PSMA3: variants seen among roughly 807,000 people sequenced by gnomAD.
PSMA3 encodes proteasome 20S subunit alpha 3.
In PSMA3, 8 loss-of-function variants were observed where a neutral mutation model predicts 40.0. The ratio of observed to expected loss-of-function variants is 0.20; its 90% confidence interval spans 0.12 to 0.36. PSMA3 has a LOEUF of 0.36. Among genes scored for constraint, PSMA3 ranks in the 10% least tolerant of loss-of-function variants. The probability of loss-of-function intolerance (pLI) is 1.00; values close to 1 mark genes in which losing one functional copy is unlikely to be tolerated. For missense variants in PSMA3, 219 were observed against 310.6 expected, an observed-to-expected ratio of 0.70 and a Z score of 2.22; for synonymous variants, 110 against 100.0, an observed-to-expected ratio of 1.10 and a Z score of -0.59.
chr14:58,267,413 T>C (rs1890474076), intron 7 of PSMA3, 61 bp from the exon 8 acceptor site: 2 of 1,401,644 alleles, frequency 1.4e-6, no homozygotes, highest in Non-Finnish European at 1.9e-6. Context: ...AAAGTGAAAA[T>C]AGTTATTACA....
chr14:58,247,222 C>G (rs1309439266), intron 1 of PSMA3, among the ~76,000 whole-genome samples: 1 of 152,194 alleles, frequency 6.6e-6, no homozygotes. Flanking sequence ...TTGCTTTACT[C>G]TTTTATTTTC....
chr14:58,255,168 C>T (rs1890114653), intron 3 of PSMA3, among the ~76,000 whole-genome samples: 1 of 127,762 alleles, frequency 7.8e-6, no homozygotes, highest in Admixed American at 8.5e-5. Flanking sequence ...GTGTTTACAT[C>T]CTAAAAACTT....
chr14:58,270,566 T>C, intron 9 of PSMA3, 81 bp downstream of exon 9: 10 of 1,581,344 alleles, frequency 6.3e-6, no homozygotes, highest in South Asian at 1.2e-5. Flanking sequence ...CTTTCTAATA[T>C]AATGAAAGCT....
chr14:58,271,640 G>A (rs1890629015), intron 10 of PSMA3, among the ~76,000 whole-genome samples: 1 of 152,054 alleles, frequency 6.6e-6, no homozygotes, highest in Non-Finnish European at 1.5e-5. Flanking sequence ...GGCCTCTTAA[G>A]TATATATTCT....
chr14:58,258,271 C>G (rs1051470712), intron 5 of PSMA3: 2 of 311,236 alleles, frequency 6.4e-6, no homozygotes, highest in Non-Finnish European at 1.2e-5. Flanking sequence ...GAACCTATCT[C>G]TACAAAAAAA....
At chr14:58,250,087 G>C (rs1261148716) in intron 2 of PSMA3, among the ~76,000 whole-genome samples, 1 of 151,802 alleles carries the variant, frequency 6.6e-6, no homozygotes, top group East Asian at 1.9e-4. Context: ...GGGCATGGCA[G>C]TGCGCGCCTG....
chr14:58,250,575 A>C (rs990925490), intron 2 of PSMA3, among the ~76,000 whole-genome samples: 53 of 152,304 alleles, frequency 3.5e-4, no homozygotes, highest in Non-Finnish European at 7.6e-4. Context: ...TTAAACTTGC[A>C]AGGGGAGCCA....
chr14:58,254,333 C>CATATATATATATATATATATATATAT lies in PSMA3; in HGVS notation c.228+2101_228+2102insATATATATATATATATATATATATAT, dbSNP rs544540648. Among the ~76,000 whole-genome samples the CATATATATATATATATATATATATAT allele has an allele frequency of 3.6e-3, 86 of 23,708 alleles. 14 individuals are homozygous for CATATATATATATATATATATATATAT. The highest frequency in any genetic ancestry group is 4.9e-3 in the African/African-American group (36 of 7,338). 15.6% of individuals were successfully genotyped at this position (23,708 alleles called of 152,430 possible). ...AATATTTTGAAAAAAATTATGCATGCATATATATATGTATGTACACACACA... is the reference window on the plus strand; with the variant it reads ...AATATTTTGAAAAAAATTATGCATGCATATATATATATATATATATATATATATATATATATGTATGTACACACACA... On this transcript the variant is annotated intron_variant, in intron 3 of 10. Transcript: ENST00000216455.
chr14:58,250,945 T>A (rs1889997945), intron 2 of PSMA3, among the ~76,000 whole-genome samples: 1 of 151,992 alleles, frequency 6.6e-6, no homozygotes, highest in South Asian at 2.1e-4. Context: ...AAATAGAAGC[T>A]CAACATGGAG....
chr14:58,248,948 G>C (rs1889939645), intron 2 of PSMA3, among the ~76,000 whole-genome samples: 1 of 152,142 alleles, frequency 6.6e-6, no homozygotes, highest in Non-Finnish European at 1.5e-5. Context: ...AAGCAACAGA[G>C]ACTCTGTCTC....
intron 3 of PSMA3, among the ~76,000 whole-genome samples, chr14:58,257,199 A>C (rs1410365293): frequency 6.6e-6 from 1 of 151,346 alleles, no homozygotes; most frequent in African/African-American, 2.4e-5. Context: ...TTTATGATAG[A>C]AGTAGTCCTG....
At chr14:58,261,810 CT>C in intron 6 of PSMA3, among the ~76,000 whole-genome samples, 1 of 152,110 alleles carries the variant, frequency 6.6e-6, no homozygotes, top group East Asian at 1.9e-4. Flanking sequence ...GAGACAAGGT[CT>C]TTCCACGTTC....
intron 6 of PSMA3, among the ~76,000 whole-genome samples, chr14:58,263,045 C>T (rs953667103): frequency 4.5e-4 from 67 of 148,618 alleles, no homozygotes; most frequent in Non-Finnish European, 8.6e-4. Context: ...TGCAGTGGCG[C>T]GGTCTCAGCT....
At position 58,260,928 on chromosome 14, in the gene PSMA3, G is replaced by A. The variant is rs1247200441; in HGVS notation, c.405-20G>A. The A allele has an allele frequency of 1.3e-6, 2 of 1,573,980 alleles. No homozygotes were observed. Among genetic ancestry groups the A allele is most frequent in the South Asian group, 1.1e-5 (1 of 87,528 alleles). ...TTATGTTATTGCCATGGTTTAAGCT[G>A]TTTGTATACTTTCATGCAGTTTCAT... On this transcript the variant is annotated intron_variant, in intron 5 of 10. Coordinates refer to ENST00000216455, the MANE Select transcript of PSMA3 (RefSeq NM_002788.4).
intron 1 of PSMA3, among the ~76,000 whole-genome samples, chr14:58,246,307 C>T (rs1420778942): frequency 6.6e-6 from 1 of 152,228 alleles, no homozygotes; most frequent in Non-Finnish European, 1.5e-5. Flanking sequence ...CAGTCTTCAG[C>T]TCAGTGAATG....
rs1395608753 is a variant in PSMA3, at chr14:58,244,879, T to A, written c.-42T>A. 3 of 1,614,116 alleles carry A rather than the reference T, an allele frequency of 1.9e-6. No homozygotes were observed. The highest frequency in any genetic ancestry group is 2.2e-5 in the East Asian group (1 of 44,872). On this transcript the variant is annotated 5_prime_UTR_variant, in exon 1 of 11. Transcript: ENST00000216455. Reference sequence around the variant, plus strand: ...GCATCCTGTGGTATAGGGGAAGCGCTCCGGGCCTGGAATCCCTACGCGTCC... The same window carrying A: ...GCATCCTGTGGTATAGGGGAAGCGCACCGGGCCTGGAATCCCTACGCGTCC...
intron 6 of PSMA3, among the ~76,000 whole-genome samples, chr14:58,261,908 G>T (rs1890293367): frequency 6.6e-6 from 1 of 151,806 alleles, no homozygotes; most frequent in African/African-American, 2.4e-5. Context: ...GAGCATCGAT[G>T]TCCAGCCATG....
intron 2 of PSMA3, among the ~76,000 whole-genome samples, chr14:58,248,487 C>T (rs1221306460): frequency 6.6e-6 from 1 of 151,702 alleles, no homozygotes; most frequent in Non-Finnish European, 1.5e-5. Flanking sequence ...ACCTCGGACT[C>T]CCAGAGAGTA....
At chr14:58,258,239 A>T in intron 5 of PSMA3, 1 of 424,094 alleles carries the variant, frequency 2.4e-6, no homozygotes, top group Non-Finnish European at 4.3e-6. Context: ...GGAGTATGAG[A>T]CCAGCCTGGC....
Sources: allele counts gnomAD v4.1 joint callset (sites outside exome capture counted in the v4.1 genomes callset), GRCh38; gene constraint gnomAD v4.1.1; transcripts MANE v1.5; gene names NCBI Gene and HGNC (gene_info 2026-07-23, HGNC 2026-07-21).